The following PTPRD variants were observed in gnomAD, a reference collection of about 807,000 sequenced individuals.
The protein encoded by PTPRD is protein tyrosine phosphatase receptor type D, also known as receptor-type tyrosine-protein phosphatase delta.
A neutral mutation model predicts 214.5 loss-of-function variants in PTPRD; 34 were observed. The ratio of observed to expected loss-of-function variants is 0.16; its 90% CI spans 0.12 to 0.21. PTPRD has a LOEUF of 0.21. Among genes scored for constraint, PTPRD ranks in the 10% least tolerant of loss-of-function variants. PTPRD has a pLI of 1.00. For missense variants in PTPRD, 2,545 were observed against 2,398.7 expected (o/e 1.06, Z -1.27); for synonymous variants, 1,128 against 845.7 (o/e 1.33, Z -5.79).
At chr9:8,912,735 G>A (rs940025748) in intron 11 of PTPRD, among the ~76,000 whole-genome samples, 1 of 152,090 alleles carries the variant, frequency 6.6e-6, no homozygotes, top group Non-Finnish European at 1.5e-5. Context: ...TATATTCATT[G>A]TTTAGTTAAA....
rs567851791 is a variant in PTPRD, at chr9:9,103,147, A to T, written c.-143+80157T>A. 9.8e-5 allele frequency among the ~76,000 whole-genome samples: 15 copies of T among 152,310 alleles called. No homozygotes were observed. In the South Asian group the frequency reaches 3.1e-3, roughly 32 times the overall value. Reference sequence around the variant, plus strand: ...CTTAACAGTGCTGGTATTCCAAGTTATAACTTTTTATTTGGGTGGGTTAGC... The same window carrying T: ...CTTAACAGTGCTGGTATTCCAAGTTTTAACTTTTTATTTGGGTGGGTTAGC... On this transcript the variant is annotated intron_variant, in intron 10 of 45. Coordinates refer to ENST00000381196, the MANE Select transcript of PTPRD (RefSeq NM_002839.4).
At chr9:8,496,213 C>T (rs200363471) in intron 26 of PTPRD, among the ~76,000 whole-genome samples, 2 of 128,076 alleles carry the variant, frequency 1.6e-5, no homozygotes, top group Non-Finnish European at 3.6e-5. Flanking sequence ...CACACACAAA[C>T]ACACACACAC....
At chr9:8,389,110 A>G in intron 37 of PTPRD, 122 bp downstream of exon 37, 1 of 768,958 alleles carries the variant, frequency 1.3e-6, no homozygotes, top group Non-Finnish European at 1.9e-6. Flanking sequence ...CCCATTCATA[A>G]TTAGTATCTG....
In PTPRD at chr9:8,500,829, T is replaced by TC; in HGVS notation, c.2052dup (p.Ile685AspfsTer14). On this transcript the variant is annotated frameshift_variant, in exon 24 of 46. Transcript: ENST00000381196. LOFTEE classifies it high-confidence loss of function. Reference sequence around the variant, plus strand: ...ACATCTGTATGGGCTGTCACAGTGATCCGGTATTCAGTCCATTTTTCCAGC... The same window carrying TC: ...ACATCTGTATGGGCTGTCACAGTGATCCCGGTATTCAGTCCATTTTTCCAGC... 2.5e-6 allele frequency: 4 copies of TC among 1,614,142 alleles called. No homozygotes were observed. The highest frequency in any genetic ancestry group is 3.4e-6 in the Non-Finnish European group (4 of 1,180,026).
At chr9:9,113,068 G>T (rs1056271585) in intron 10 of PTPRD, among the ~76,000 whole-genome samples, 2 of 151,492 alleles carry the variant, frequency 1.3e-5, no homozygotes, top group Non-Finnish European at 2.9e-5. Context: ...GGACCCAAGT[G>T]ATCCTCCTCC....
chr9:10,296,280 TA>T (rs1300014588), intron 3 of PTPRD, among the ~76,000 whole-genome samples: 2 of 152,040 alleles, frequency 1.3e-5, no homozygotes, highest in African/African-American at 4.8e-5. Flanking sequence ...TTCTTTTGGA[TA>T]AAAATAGAAA....
At chr9:10,236,236 C>G (rs892539643) in intron 3 of PTPRD, among the ~76,000 whole-genome samples, 3 of 151,844 alleles carry the variant, frequency 2.0e-5, no homozygotes, top group African/African-American at 7.2e-5. Flanking sequence ...TGAATTGGCT[C>G]AAGTTTGATA....
chr9:8,979,584 A>G (rs2099295339), intron 11 of PTPRD, among the ~76,000 whole-genome samples: 1 of 152,178 alleles, frequency 6.6e-6, no homozygotes, highest in Admixed American at 6.6e-5. Context: ...AAGGACTTGA[A>G]CAGACATTTC....
intron 14 of PTPRD, among the ~76,000 whole-genome samples, chr9:8,541,054 C>A (rs1001126700): frequency 6.6e-6 from 1 of 152,010 alleles, no homozygotes; most frequent in Non-Finnish European, 1.5e-5. Flanking sequence ...AAATGTTTCA[C>A]TGAAAAAATG....
At chr9:9,020,869 C>A (rs1163819032) in intron 10 of PTPRD, among the ~76,000 whole-genome samples, 1 of 152,126 alleles carries the variant, frequency 6.6e-6, no homozygotes, top group East Asian at 1.9e-4. Flanking sequence ...GACGTATCTA[C>A]TCGGATGTAT....
intron 5 of PTPRD, among the ~76,000 whole-genome samples, chr9:9,800,387 A>G (rs1449625592): frequency 1.3e-5 from 2 of 152,208 alleles, no homozygotes; most frequent in African/African-American, 2.4e-5. Flanking sequence ...TCTGTATTTA[A>G]TATTTCATAA....
At chr9:10,492,565 T>A (rs1192630816) in intron 2 of PTPRD, among the ~76,000 whole-genome samples, 1 of 152,150 alleles carries the variant, frequency 6.6e-6, no homozygotes, top group African/African-American at 2.4e-5. Flanking sequence ...GGGTTATTTG[T>A]CTTTTTCTTG....
chr9:9,230,945 T>C (rs2099962719), intron 9 of PTPRD, among the ~76,000 whole-genome samples: 1 of 152,100 alleles, frequency 6.6e-6, no homozygotes, highest in African/African-American at 2.4e-5. Context: ...TAGTGTGCAG[T>C]CCAGAACGTG....
chr9:8,853,220 A>G (rs1406338558), intron 11 of PTPRD, among the ~76,000 whole-genome samples: 1 of 152,192 alleles, frequency 6.6e-6, no homozygotes, highest in Non-Finnish European at 1.5e-5. Context: ...TTTAGGTTAC[A>G]TTAAGTCAGA....
At chr9:9,199,064 G>A (rs2132203548) in intron 9 of PTPRD, among the ~76,000 whole-genome samples, 1 of 152,228 alleles carries the variant, frequency 6.6e-6, no homozygotes, top group South Asian at 2.1e-4. Flanking sequence ...TTATCTACAA[G>A]GCTTAGATTG....
At chr9:9,312,884 T>C (rs1959798706) in intron 9 of PTPRD, among the ~76,000 whole-genome samples, 1 of 152,196 alleles carries the variant, frequency 6.6e-6, no homozygotes, top group African/African-American at 2.4e-5. Context: ...TTGAACTACG[T>C]GTTAGTCGCA....
chr9:10,056,375 C>T (rs2097648780), intron 3 of PTPRD, among the ~76,000 whole-genome samples: 1 of 150,454 alleles, frequency 6.6e-6, no homozygotes, highest in South Asian at 2.1e-4. Flanking sequence ...ATGCACCTTT[C>T]TTCAGGTGCA....
chr9:10,133,401 G>T (rs994552651), intron 3 of PTPRD, among the ~76,000 whole-genome samples: 3 of 152,094 alleles, frequency 2.0e-5, no homozygotes, highest in Non-Finnish European at 2.9e-5. Context: ...GCAGGTGACG[G>T]TGTTCCCACC....
At chr9:9,264,146 T>A (rs908711747) in intron 9 of PTPRD, among the ~76,000 whole-genome samples, 2 of 151,652 alleles carry the variant, frequency 1.3e-5, no homozygotes, top group Non-Finnish European at 3.0e-5. Context: ...AAGACTTCGA[T>A]GAAAATATTA....
Sources: gnomAD v4.1 joint callset for allele counts (sites outside exome capture counted in the v4.1 genomes callset) on GRCh38, gnomAD v4.1.1 for gene constraint, MANE v1.5 for transcripts, NCBI Gene and HGNC (gene_info 2026-07-23, HGNC 2026-07-21) for gene names.